Variants in SETD5 observed in about 807,000 individuals in gnomAD.
The protein encoded by SETD5 is histone-lysine N-methyltransferase SETD5.
In SETD5, 44 loss-of-function variants were observed where a neutral mutation model predicts 153.3. That is an observed-to-expected ratio of 0.29 (90% CI 0.23 to 0.37). The LOEUF is 0.37. Among genes scored for constraint, SETD5 ranks in the 10% least tolerant of loss-of-function variants. The pLI, the probability that SETD5 is intolerant of heterozygous loss-of-function variation, is 1.00. For synonymous variants in SETD5, 716 were observed against 645.2 expected, an observed-to-expected ratio of 1.11 and a Z score of -1.66; for missense variants, 1,544 against 1,768.0, an observed-to-expected ratio of 0.87 and a Z score of 2.27.
In SETD5 at chr3:9,441,703, A is replaced by G; in HGVS notation, c.921A>G (p.Leu307=). The G allele has an allele frequency of 6.2e-7, 1 of 1,614,040 alleles. No homozygotes were observed. The highest frequency in any genetic ancestry group is 8.5e-7 in the Non-Finnish European group (1 of 1,179,882). Residue 307 remains leucine (L), a synonymous_variant, in exon 9 of 23, where the codon TTA becomes TTG. Transcript: ENST00000402198. The part of the protein sequence containing the change: ...LIIEYRGKVM[L]RQQFEVNGHF... ...TAGAGTATCGTGGGAAAGTCATGTT[A>G]CGACAGCAATTTGAGGTCAATGGGC...
Position 9,434,941 on chromosome 3 carries a change from G to T in SETD5, c.388+59G>T. 6.4e-7 allele frequency: 1 copy of T among 1,572,944 alleles called. No individual in the cohort carries two copies. The highest frequency in any genetic ancestry group is 8.6e-7 in the Non-Finnish European group (1 of 1,156,474). ...CATAAAAATATTCTGTGATCTGAAT[G>T]TTCATTTTAAGAACCCCTCTTGGCC... On this transcript the variant is annotated intron_variant, in intron 6 of 22. Coordinates refer to ENST00000402198, the MANE Select transcript of SETD5 (RefSeq NM_001080517.3). The surrounding 1 kb of genome is among the most constrained non-coding windows in gnomAD (Gnocchi z 5.6).
Position 9,412,399 on chromosome 3 carries a change from T to G in SETD5, c.-176-12068T>G, listed in dbSNP as rs6802897. Among the ~76,000 whole-genome samples, 352 of 123,234 alleles carry G rather than the reference T, an allele frequency of 2.9e-3. 4 individuals carry two copies. The highest frequency in any genetic ancestry group is 0.015 in the African/African-American group (324 of 22,182). 80.8% of individuals were successfully genotyped at this position (123,234 alleles called of 152,430 possible). On this transcript the variant is annotated intron_variant, in intron 1 of 22. Transcript: ENST00000402198. ...TGCACAGTTTTGGGTTTTTTTTTTT[T>G]TTTTTTTTTTTTTTTTTTAAAGAGA... is the stretch of plus-strand genomic sequence containing the variant.
chr3:9,413,403 TA>T (rs557497367), intron 1 of SETD5, among the ~76,000 whole-genome samples: 49 of 152,332 alleles, frequency 3.2e-4, no homozygotes, highest in African/African-American at 1.2e-3. Flanking sequence ...AGGTATCTTA[TA>T]AATATCAGAC....
At chr3:9,409,776 G>A (rs1214593550) in intron 1 of SETD5, among the ~76,000 whole-genome samples, 1 of 152,052 alleles carries the variant, frequency 6.6e-6, no homozygotes, top group Non-Finnish European at 1.5e-5. Context: ...AATATCACTT[G>A]GTATTTTAAA....
chr3:9,440,572 T>C lies in SETD5; in HGVS notation c.684T>C (p.Asp228=), dbSNP rs368771701. The C allele has an allele frequency of 1.2e-6, 2 of 1,613,858 alleles. No homozygotes were observed. The highest frequency in any genetic ancestry group is 1.3e-5 in the African/African-American group (1 of 74,914). The stretch of plus-strand genomic sequence containing the variant: ...CTTTCACTAATCAGTACAGTGCAGA[T>C]GTACAGAACGCGCTTGAACAACACC... The part of the protein sequence containing the change: ...EEAFTNQYSA[D]VQNALEQHLH... Residue 228 remains aspartate (D), a synonymous_variant, in exon 8 of 23, where the codon GAT becomes GAC. Transcript: ENST00000402198.
At chr3:9,406,643 A>G (rs1027262593) in intron 1 of SETD5, among the ~76,000 whole-genome samples, 1 of 152,006 alleles carries the variant, frequency 6.6e-6, no homozygotes, top group African/African-American at 2.4e-5. Flanking sequence ...AGGAAAATGT[A>G]AGAGCAAGTC....
At chr3:9,465,324 G>A (rs1336977834) in intron 18 of SETD5, among the ~76,000 whole-genome samples, 2 of 152,190 alleles carry the variant, frequency 1.3e-5, no homozygotes, top group Non-Finnish European at 2.9e-5. Context: ...TGCCTCAGCT[G>A]TTTCAAAAAG....
chr3:9,453,931 T>A (rs1045536787), intron 17 of SETD5, 63 bp downstream of exon 17: 1 of 1,443,728 alleles, frequency 6.9e-7, no homozygotes, highest in Non-Finnish European at 9.1e-7. Flanking sequence ...CATAAAAAAT[T>A]TAAGTATGAG....
At chr3:9,453,253 G>A (rs1376904564) in intron 16 of SETD5, among the ~76,000 whole-genome samples, 1 of 152,080 alleles carries the variant, frequency 6.6e-6, no homozygotes, top group Non-Finnish European at 1.5e-5. Context: ...CTGTAGTGAA[G>A]AGCTATTAAT....
At chr3:9,469,689 C>T (rs547747753) in intron 18 of SETD5, among the ~76,000 whole-genome samples, 1 of 152,282 alleles carries the variant, frequency 6.6e-6, no homozygotes, top group South Asian at 2.1e-4. Context: ...TGTCGGTTAG[C>T]TGTAGTTGAC....
Position 9,447,669 on chromosome 3 carries a change from C to T in SETD5, c.1783-17C>T, listed in dbSNP as rs1168234713. 1.2e-6 allele frequency: 2 copies of T among 1,609,782 alleles called. No homozygotes were observed. The highest frequency in any genetic ancestry group is 1.7e-6 in the Non-Finnish European group (2 of 1,176,960). On this transcript the variant is annotated splice_polypyrimidine_tract_variant and intron_variant, in intron 14 of 22. Transcript: ENST00000402198. The stretch of plus-strand genomic sequence containing the variant: ...TAAAACATTTCTGGTAAGCATCTGA[C>T]CCTACTATTGCTACAGGATATTGCT...
intron 1 of SETD5, among the ~76,000 whole-genome samples, chr3:9,412,387 G>GTTTTTTTTTTTT (rs370566998): frequency 2.2e-5 from 2 of 89,536 alleles, no homozygotes; most frequent in Non-Finnish European, 4.6e-5. Flanking sequence ...ACAGTTTTGG[G>GTTTTTTTTTTTT]TTTTTTTTTT....
chr3:9,463,730 G>T (rs2044242651), intron 17 of SETD5, among the ~76,000 whole-genome samples: 1 of 152,222 alleles, frequency 6.6e-6, no homozygotes, highest in African/African-American at 2.4e-5. Flanking sequence ...TATAAGAGAT[G>T]GTGAAAGGAA....
At chr3:9,462,967 T>G (rs533845107) in intron 17 of SETD5, among the ~76,000 whole-genome samples, 2 of 151,982 alleles carry the variant, frequency 1.3e-5, no homozygotes, top group African/African-American at 4.8e-5. Context: ...CATAGCAATA[T>G]GATCACCTTT....
At position 9,397,684 on chromosome 3, in the gene SETD5, C is replaced by CGCT. The variant is rs1330695924; in HGVS notation, c.-467_-465dup. On this transcript the variant is annotated 5_prime_UTR_variant, in exon 1 of 23. Coordinates refer to ENST00000402198, the MANE Select transcript of SETD5 (RefSeq NM_001080517.3). Reference sequence around the variant, plus strand: ...CCGCCGCCGCCGCCGCCGCCGCCGCCGCTGCCGGGGGAGGGGCGGCCGCCG... The same window carrying CGCT: ...CCGCCGCCGCCGCCGCCGCCGCCGCCGCTGCTGCCGGGGGAGGGGCGGCCGCCG... 38 of 170,540 alleles carry CGCT rather than the reference C, an allele frequency of 2.2e-4. No individual in the cohort carries two copies. Among genetic ancestry groups the CGCT allele is most frequent in the African/African-American group, 9.0e-4 (36 of 40,190 alleles). 10.6% of individuals were successfully genotyped at this position (170,540 alleles called of 1,614,324 possible).
intron 2 of SETD5, among the ~76,000 whole-genome samples, chr3:9,425,519 G>GA: frequency 6.7e-6 from 1 of 148,710 alleles, no homozygotes. Context: ...ATTGCTCTAG[G>GA]AAAAATATCA....
At chr3:9,457,925 T>G (rs1197680384) in intron 17 of SETD5, among the ~76,000 whole-genome samples, 1 of 151,868 alleles carries the variant, frequency 6.6e-6, no homozygotes, top group African/African-American at 2.4e-5. Context: ...TTTAAAAAAA[T>G]AAGAAAAAAA....
intron 16 of SETD5, among the ~76,000 whole-genome samples, chr3:9,452,659 ATTTT>A (rs1164278885): frequency 5.7e-3 from 341 of 59,858 alleles, no homozygotes; most frequent in African/African-American, 7.2e-3. Flanking sequence ...ATGATGTAAG[ATTTT>A]TTTTTTTTTT....
chr3:9,398,795 G>C (rs911012141), intron 1 of SETD5, among the ~76,000 whole-genome samples: 3 of 152,170 alleles, frequency 2.0e-5, no homozygotes, highest in African/African-American at 7.2e-5. Flanking sequence ...TCGCATGAGA[G>C]GGAAAGTTAA....
Sources: allele counts gnomAD v4.1 joint callset (sites outside exome capture counted in the v4.1 genomes callset), GRCh38; gene constraint gnomAD v4.1.1; non-coding constraint Gnocchi (gnomAD v3.1); transcripts MANE v1.5; gene names NCBI Gene and HGNC (gene_info 2026-07-23, HGNC 2026-07-21).